The following KLF8 variants were observed in gnomAD, a reference collection of about 807,000 sequenced individuals.
The protein encoded by KLF8 is Krueppel-like factor 8.
KLF8 carries 10 observed loss-of-function variants against 18.2 expected under a neutral mutation model. The ratio of observed to expected loss-of-function variants is 0.55; its 90% CI spans 0.34 to 0.93. KLF8 has a LOEUF of 0.93. Ranked by LOEUF, KLF8 falls within the 40% of genes least tolerant of loss-of-function variation. KLF8 has a pLI of 0.02. For synonymous variants in KLF8, 109 were observed against 97.3 expected, an observed-to-expected ratio of 1.12 and a Z score of -0.71; for missense variants, 264 against 277.9, an observed-to-expected ratio of 0.95 and a Z score of 0.36.
the KLF8 span, among the ~76,000 whole-genome samples, chrX:55,966,412 GGA>G: frequency 8.9e-6 from 1 of 112,103 alleles, no homozygotes; most frequent in South Asian, 3.7e-4. Context: ...AGTTGTCCAT[GGA>G]GAGAGAGACT....
chrX:56,166,818 C>G, the KLF8 span, among the ~76,000 whole-genome samples: 4 of 111,256 alleles, frequency 3.6e-5, no homozygotes, highest in African/African-American at 1.3e-4. Flanking sequence ...GGGGAGAAAT[C>G]ATTTGTTAGC....
At chrX:55,978,606 A>G in the KLF8 span, among the ~76,000 whole-genome samples, 1 of 111,830 alleles carries the variant, frequency 8.9e-6, no homozygotes, top group African/African-American at 3.3e-5. Context: ...CATCATAGTG[A>G]AGTCTTCAGG....
the KLF8 span, among the ~76,000 whole-genome samples, chrX:56,146,541 A>T: frequency 1.8e-5 from 2 of 110,599 alleles, no homozygotes. Context: ...GGAGGGGAAC[A>T]TCACACGCTG....
chrX:56,190,371 C>T, the KLF8 span, among the ~76,000 whole-genome samples: 1 of 111,465 alleles, frequency 9.0e-6, no homozygotes, highest in East Asian at 2.8e-4. Context: ...GACCCCAATA[C>T]AATTAGAGCT....
At chrX:55,971,014 A>G in the KLF8 span, among the ~76,000 whole-genome samples, 1 of 111,627 alleles carries the variant, frequency 9.0e-6, no homozygotes, top group Non-Finnish European at 1.9e-5. Flanking sequence ...ATTAAATGCA[A>G]TCTCTACGAA....
the KLF8 span, among the ~76,000 whole-genome samples, chrX:55,996,946 G>A: frequency 3.0e-3 from 339 of 112,206 alleles, 1 homozygote; most frequent in African/African-American, 0.01. Flanking sequence ...TGATGTTTGC[G>A]TACTCATGCC....
the KLF8 span, among the ~76,000 whole-genome samples, chrX:56,135,802 C>T: frequency 8.9e-6 from 1 of 111,926 alleles, no homozygotes; most frequent in Non-Finnish European, 1.9e-5. Context: ...AAGCAGAAAT[C>T]AAGAAATTCT....
At chrX:56,277,348 C>T (rs1003634160) in intron 5 of KLF8, among the ~76,000 whole-genome samples, 2 of 112,086 alleles carry the variant, frequency 1.8e-5, no homozygotes, top group Non-Finnish European at 3.8e-5. Context: ...GTGATCTAAG[C>T]CATCTCTGCA....
In KLF8 at chrX:56,265,430, C is replaced by A. The variant is rs756190986; in HGVS notation, c.332C>A (p.Pro111His). ...ASMLQAPIRP[P>H]KPQSSPQTLV... The stretch of plus-strand genomic sequence containing the variant: ...ATGCTACAAGCTCCAATACGTCCCC[C>A]CAAGCCACAGTCTTCTCCCCAGACC... The change falls in exon 3 of 6, where the codon CCC (proline) becomes CAC (histidine). Residue 111 changes from proline to histidine, a missense_variant. Physicochemically the swap from Pro to His is moderately conservative, Grantham distance 77 (BLOSUM62 -2). This residue lies in a region of KLF8 where 221 missense variants were observed against 193.6 expected (regional missense o/e 1.14). Transcript: ENST00000468660. 4 of 1,211,818 alleles carry A rather than the reference C, an allele frequency of 3.3e-6. No individual in the cohort carries two copies. Among genetic ancestry groups the A allele is most frequent in the Non-Finnish European group, 4.5e-6 (4 of 895,417 alleles).
chrX:55,912,928 G>T, the KLF8 span, among the ~76,000 whole-genome samples: 6 of 111,915 alleles, frequency 5.4e-5, no homozygotes, highest in African/African-American at 1.6e-4. Flanking sequence ...CAAGCAACTT[G>T]CCTAAGCTTA....
chrX:56,112,312 T>C, the KLF8 span, among the ~76,000 whole-genome samples: 2 of 110,537 alleles, frequency 1.8e-5, no homozygotes, highest in African/African-American at 6.6e-5. Context: ...GAGGTGAACA[T>C]CACACACTGG....
the KLF8 span, among the ~76,000 whole-genome samples, chrX:56,001,395 C>T: frequency 9.0e-6 from 1 of 111,100 alleles, no homozygotes; most frequent in Non-Finnish European, 1.9e-5. Flanking sequence ...AGGACGAGGC[C>T]CTCTTTCTTT....
the KLF8 span, among the ~76,000 whole-genome samples, chrX:56,069,806 C>A: frequency 3.6e-5 from 4 of 111,942 alleles, 1 homozygote; most frequent in Admixed American, 9.4e-5. Flanking sequence ...CAGCTTCCTG[C>A]CCAGCGGTCC....
At chrX:55,929,384 T>G in the KLF8 span, among the ~76,000 whole-genome samples, 4 of 112,575 alleles carry the variant, frequency 3.6e-5, no homozygotes, top group Admixed American at 9.4e-5. Context: ...AGATCCCATT[T>G]GTCAATTTTG....
At chrX:56,271,035 T>C (rs952762829) in intron 5 of KLF8, among the ~76,000 whole-genome samples, 1 of 112,298 alleles carries the variant, frequency 8.9e-6, no homozygotes, top group Admixed American at 9.4e-5. Context: ...AATTTTAAAA[T>C]ACAGTATAAC....
At chrX:55,991,513 C>A in the KLF8 span, among the ~76,000 whole-genome samples, 1 of 111,678 alleles carries the variant, frequency 9.0e-6, no homozygotes, top group African/African-American at 3.3e-5. Flanking sequence ...CACTGTCCTG[C>A]ACCCACTGTC....
At chrX:56,184,561 G>C in the KLF8 span, among the ~76,000 whole-genome samples, 1 of 112,332 alleles carries the variant, frequency 8.9e-6, no homozygotes, top group Non-Finnish European at 1.9e-5. Flanking sequence ...AGAATGGGCA[G>C]ACTGCCTCCT....
At chrX:56,139,382 C>T in the KLF8 span, among the ~76,000 whole-genome samples, 1 of 111,914 alleles carries the variant, frequency 8.9e-6, no homozygotes, top group Non-Finnish European at 1.9e-5. Context: ...AGAGGCATCA[C>T]AATACCTGAT....
At chrX:56,110,252 TG>T in the KLF8 span, among the ~76,000 whole-genome samples, 1 of 111,743 alleles carries the variant, frequency 8.9e-6, no homozygotes, top group Non-Finnish European at 1.9e-5. Context: ...TAACTTAAAG[TG>T]TTTTTTTTAT....
Sources: allele counts gnomAD v4.1 joint callset (sites outside exome capture counted in the v4.1 genomes callset), GRCh38; gene constraint gnomAD v4.1.1; regional missense constraint gnomAD v4.1.1; transcripts MANE v1.5; gene names NCBI Gene and HGNC (gene_info 2026-07-23, HGNC 2026-07-21).